FRRS1L: variants seen among roughly 807,000 people sequenced by gnomAD.
FRRS1L encodes ferric chelate reductase 1 like.
FRRS1L carries 22 observed loss-of-function variants against 28.6 expected under a neutral mutation model. That is an observed-to-expected ratio of 0.77 (90% confidence interval 0.55 to 1.10). The LOEUF is 1.10. FRRS1L is among the 50% of genes least tolerant of loss of function. FRRS1L has a pLI of 0.00. For missense variants in FRRS1L, 380 were observed against 386.9 expected, an observed-to-expected ratio of 0.98 and a Z score of 0.15; for synonymous variants, 158 against 151.4, an observed-to-expected ratio of 1.04 and a Z score of -0.32.
At chr9:109,162,773 G>C (rs923954378) in intron 1 of FRRS1L, among the ~76,000 whole-genome samples, 2 of 152,192 alleles carry the variant, frequency 1.3e-5, no homozygotes, top group Non-Finnish European at 2.9e-5. Context: ...AAGGTAGATG[G>C]GGGAAGGATA....
chr9:109,154,512 T>C (rs1831378965), intron 1 of FRRS1L, among the ~76,000 whole-genome samples: 1 of 152,244 alleles, frequency 6.6e-6, no homozygotes, highest in South Asian at 2.1e-4. Flanking sequence ...AGACATTCAA[T>C]AGGATCTATG....
At chr9:109,161,603 G>A (rs1831481631) in intron 1 of FRRS1L, among the ~76,000 whole-genome samples, 1 of 151,990 alleles carries the variant, frequency 6.6e-6, no homozygotes, top group Non-Finnish European at 1.5e-5. Flanking sequence ...TTCCATTCTT[G>A]TCTAATTCAA....
rs752083667 is a variant in FRRS1L, at chr9:109,137,593, C to T, written c.744G>A (p.Pro248=). The change falls in exon 5 of 5, where the codon CCG becomes CCA. Residue 248 remains proline, a synonymous_variant. Coordinates refer to ENST00000561981, the MANE Select transcript of FRRS1L (RefSeq NM_014334.4). ...SITRHDIDSP[P]ASERVVSIYK... ...AAATACTGACAACACGCTCTGAAGCCGGCGGTGAGTCTATATCATGTCGAG... is the reference window on the plus strand; with the variant it reads ...AAATACTGACAACACGCTCTGAAGCTGGCGGTGAGTCTATATCATGTCGAG... 23 of 1,609,830 alleles carry T rather than the reference C, an allele frequency of 1.4e-5. No homozygotes were observed. Among genetic ancestry groups the T allele is most frequent in the East Asian group, 2.2e-5 (1 of 44,848 alleles).
intron 1 of FRRS1L, chr9:109,152,286 A>C (rs1256565870): frequency 3.3e-5 from 5 of 152,038 alleles, no homozygotes; most frequent in African/African-American, 1.2e-4. Context: ...AGTAGCTGGG[A>C]TTACAGGCAC....
In FRRS1L at chr9:109,135,731, G is replaced by T. The variant is rs551393484; in HGVS notation, c.*1724C>A. 5 of 152,136 alleles carry T rather than the reference G, an allele frequency of 3.3e-5. No homozygotes were observed. The highest frequency in any genetic ancestry group is 1.2e-4 in the African/African-American group (5 of 41,536). The allele number at this position is 152,136 out of a possible 1,614,324, so 9.4% of individuals were successfully genotyped here. Reference sequence around the variant, plus strand: ...CTCCCAAAGTGCTGGGATTACAGGTGTGAGCCACCGCGCTCAGCCACAAGT... The same window carrying T: ...CTCCCAAAGTGCTGGGATTACAGGTTTGAGCCACCGCGCTCAGCCACAAGT... On this transcript the variant is annotated 3_prime_UTR_variant, in exon 5 of 5. Coordinates refer to ENST00000561981, the MANE Select transcript of FRRS1L (RefSeq NM_014334.4).
chr9:109,141,034 G>T (rs1831178355), intron 4 of FRRS1L: 3 of 363,912 alleles, frequency 8.2e-6, no homozygotes, highest in Non-Finnish European at 1.5e-5. Context: ...TAAGAATGCT[G>T]TGAGAATTGA....
chr9:109,153,449 G>A (rs1374307589), intron 1 of FRRS1L, among the ~76,000 whole-genome samples: 3 of 152,178 alleles, frequency 2.0e-5, no homozygotes, highest in Non-Finnish European at 4.4e-5. Flanking sequence ...ATCCCACGAG[G>A]AGAAGGCATG....
At chr9:109,156,667 G>C (rs1262452160) in intron 1 of FRRS1L, among the ~76,000 whole-genome samples, 2 of 148,696 alleles carry the variant, frequency 1.3e-5, no homozygotes, top group Admixed American at 6.7e-5. Context: ...GGGATTACAG[G>C]CATGAGCCAC....
chr9:109,145,778 G>A (rs1428199436), intron 3 of FRRS1L, among the ~76,000 whole-genome samples: 3 of 152,076 alleles, frequency 2.0e-5, no homozygotes, highest in African/African-American at 2.4e-5. Flanking sequence ...ACAGATGGAG[G>A]TGCCTGAAGG....
At chr9:109,152,047 TCAAA>T (rs1831336160) in intron 1 of FRRS1L, 1 of 152,278 alleles carries the variant, frequency 6.6e-6, no homozygotes, top group African/African-American at 2.4e-5. Flanking sequence ...TCTTCCATTT[TCAAA>T]CATATCATCC....
In FRRS1L at chr9:109,141,496, G is replaced by A; in HGVS notation, c.556C>T (p.Gln186Ter). Residue 186 changes from glutamine (Q) to a stop codon, truncating the protein, a stop_gained, in exon 4 of 5, where the codon CAG (glutamine) becomes TAG (stop). Coordinates refer to ENST00000561981, the MANE Select transcript of FRRS1L (RefSeq NM_014334.4). LOFTEE classifies it high-confidence loss of function. Reference protein sequence around the residue: ...YNVGQWAKEIQRNPARDEEGV... With the variant: ...YNVGQWAKEI ...TCTTCATCTCTGGCAGGGTTTCTCTGAATCTCCTTTGCCCACTGGCCTACA... is the reference window on the plus strand; with the variant it reads ...TCTTCATCTCTGGCAGGGTTTCTCTAAATCTCCTTTGCCCACTGGCCTACA... The A allele has an allele frequency of 5.6e-6, 9 of 1,614,086 alleles. No individual in the cohort carries two copies. The highest frequency in any genetic ancestry group is 7.6e-6 in the Non-Finnish European group (9 of 1,180,002).
rs574462844 is a variant in FRRS1L at position 109,146,940 on chromosome 9, A to G, written c.462+111T>C. On this transcript the variant is annotated intron_variant, in intron 3 of 4. Coordinates refer to ENST00000561981, the MANE Select transcript of FRRS1L (RefSeq NM_014334.4). ...TTTTTTAACTTGCAATCAGAGAGCC[A>G]TAACTAATTTGATCATTATACTGCT... 9.0e-5 allele frequency: 88 copies of G among 978,934 alleles called. 1 individual carries two copies. In the African/African-American group the frequency reaches 1.1e-3, roughly 12 times the overall value. 60.6% of individuals were successfully genotyped at this position (978,934 alleles called of 1,614,324 possible). A position where few individuals can be genotyped will look rare whatever the true frequency, so the allele number is the denominator to read the frequency against.
Position 109,137,600 on chromosome 9 carries a change from G to A in FRRS1L, c.737C>T (p.Ser246Leu). Residue 246 changes from serine to leucine, a missense_variant, in exon 5 of 5, where the codon TCA (serine) becomes TTA (leucine). Transcript: ENST00000561981. Reference protein sequence around the residue: ...QGSITRHDIDSPPASERVVSI... With the variant: ...QGSITRHDIDLPPASERVVSI... ...GACAACACGCTCTGAAGCCGGCGGT[G>A]AGTCTATATCATGTCGAGTGATAGA... is the stretch of plus-strand genomic sequence containing the variant. The A allele has an allele frequency of 6.2e-7, 1 of 1,610,374 alleles. No individual in the cohort carries two copies. Among genetic ancestry groups the A allele is most frequent in the Non-Finnish European group, 8.5e-7 (1 of 1,177,688 alleles).
chr9:109,135,310 C>T lies in FRRS1L; in HGVS notation c.*2145G>A, dbSNP rs1340847119. The T allele has an allele frequency of 2.0e-5, 3 of 152,198 alleles. No individual in the cohort carries two copies. The highest frequency in any genetic ancestry group is 4.4e-5 in the Non-Finnish European group (3 of 68,046). The allele number at this position is 152,198 out of a possible 1,614,324, so 9.4% of individuals were successfully genotyped here. The stretch of plus-strand genomic sequence containing the variant: ...AATGTCTCAGCAGCACTAACTATAC[C>T]TGCAGACTTCTCTCCTCAAAATGGG... On this transcript the variant is annotated 3_prime_UTR_variant, in exon 5 of 5. Coordinates refer to ENST00000561981, the MANE Select transcript of FRRS1L (RefSeq NM_014334.4).
intron 4 of FRRS1L, 44 bp downstream of exon 4, chr9:109,141,299 A>C (rs1831182170): frequency 1.2e-6 from 2 of 1,607,710 alleles, no homozygotes; most frequent in Non-Finnish European, 1.7e-6. Context: ...ACACAAGCAC[A>C]GTGGTGTCTG....
At position 109,149,984 on chromosome 9, in the gene FRRS1L, C is replaced by T. The variant is rs562389919; in HGVS notation, c.239-264G>A. 15 of 361,904 alleles carry T rather than the reference C, an allele frequency of 4.1e-5. No individual in the cohort carries two copies. In the South Asian group the frequency reaches 6.4e-4, roughly 15 times the overall value. 22.4% of individuals were successfully genotyped at this position (361,904 alleles called of 1,614,324 possible). A position where few individuals can be genotyped will look rare whatever the true frequency, so the allele number is the denominator to read the frequency against. On this transcript the variant is annotated intron_variant, in intron 1 of 4. Coordinates refer to ENST00000561981, the MANE Select transcript of FRRS1L (RefSeq NM_014334.4). ...GAGGAACCTGGGGCACTGAGAGAGG[C>T]ACAATTTCATATAACCACGGGCTTA...
chr9:109,154,982 C>T (rs563760312), intron 1 of FRRS1L, among the ~76,000 whole-genome samples: 16 of 152,232 alleles, frequency 1.1e-4, no homozygotes, highest in Non-Finnish European at 2.1e-4. Flanking sequence ...TCCTGAAACT[C>T]TTGCATGATT....
rs80016324 is a variant in FRRS1L, at chr9:109,142,512, A to C, written c.463-923T>G. Among the ~76,000 whole-genome samples, 216 of 151,884 alleles carry C rather than the reference A, an allele frequency of 1.4e-3. No individual in the cohort carries two copies. In the East Asian group the frequency reaches 0.03, roughly 21 times the overall value. ...GAGTGAGACCCTTTCTCAAAAAAAT[A>C]AAATAAAATGGTCAATTCTGGCCAG... On this transcript the variant is annotated intron_variant, in intron 3 of 4. Transcript: ENST00000561981.
At chr9:109,146,385 G>C (rs937105794) in intron 3 of FRRS1L, among the ~76,000 whole-genome samples, 1 of 152,120 alleles carries the variant, frequency 6.6e-6, no homozygotes. Flanking sequence ...GTCTGAAATG[G>C]GGGCAGTCTT....
Sources: gnomAD v4.1 joint callset for allele counts (sites outside exome capture counted in the v4.1 genomes callset) on GRCh38, gnomAD v4.1.1 for gene constraint, MANE v1.5 for transcripts, NCBI Gene and HGNC (gene_info 2026-07-23, HGNC 2026-07-21) for gene names.